Variants in PRKD3 observed in about 807,000 individuals in gnomAD.
PRKD3 encodes the protein protein kinase D3, also known as serine/threonine-protein kinase D3.
PRKD3 carries 47 observed loss-of-function variants against 99.2 expected under a neutral mutation model. The ratio of observed to expected loss-of-function variants is 0.47; its 90% CI spans 0.38 to 0.60. The LOEUF (loss-of-function observed/expected upper bound fraction) is 0.60. Among genes scored for constraint, PRKD3 ranks in the 20% least tolerant of loss-of-function variants. The probability of loss-of-function intolerance (pLI) is 0.00; values close to 1 mark genes in which losing one functional copy is unlikely to be tolerated. For missense variants in PRKD3, 1,019 were observed against 1,088.4 expected, an observed-to-expected ratio of 0.94 and a Z score of 0.90; for synonymous variants, 392 against 355.4, an observed-to-expected ratio of 1.10 and a Z score of -1.16.
chr2:37,324,500 C>T (rs1672031520), intron 1 of PRKD3, 181 bp downstream of exon 1: 2 of 141,642 alleles, frequency 1.4e-5, no homozygotes, highest in Middle Eastern at 7.2e-3. Flanking sequence ...ACCGCCCAGC[C>T]CGGCGCGGGG....
At chr2:37,279,688 A>T in intron 8 of PRKD3, 58 bp downstream of exon 8, 1 of 1,379,192 alleles carries the variant, frequency 7.3e-7, no homozygotes, top group Non-Finnish European at 9.6e-7. Flanking sequence ...CTTTTTCTTA[A>T]TGAGATCCTG....
In PRKD3 at chr2:37,315,581, C is replaced by T. The variant is rs142360218; in HGVS notation, c.288+656G>A. On this transcript the variant is annotated intron_variant, in intron 2 of 18. Transcript: ENST00000234179. ...GGGACTCAGCTGCTAGCTACTGTGTCCCAGGGGGCCTTGTGCCCTCTACCT... is the reference window on the plus strand; with the variant it reads ...GGGACTCAGCTGCTAGCTACTGTGTTCCAGGGGGCCTTGTGCCCTCTACCT... Among the ~76,000 whole-genome samples, 522 of 152,272 alleles carry T rather than the reference C, an allele frequency of 3.4e-3. 2 individuals are homozygous for T. The highest frequency in any genetic ancestry group is 4.4e-3 in the Non-Finnish European group (299 of 68,016).
chr2:37,296,726 T>C (rs1470656298), intron 2 of PRKD3, among the ~76,000 whole-genome samples: 1 of 151,732 alleles, frequency 6.6e-6, no homozygotes, highest in African/African-American at 2.4e-5. Context: ...TGAAACCCCA[T>C]CTCTACTAAA....
chr2:37,260,145 C>A (rs1668303008), intron 15 of PRKD3, 78 bp downstream of exon 15: 2 of 1,310,584 alleles, frequency 1.5e-6, no homozygotes, highest in Non-Finnish European at 2.1e-6. Context: ...GCCCAGGTGA[C>A]AGAGTAAGAC....
At chr2:37,271,894 A>G (rs2148532620) in intron 12 of PRKD3, among the ~76,000 whole-genome samples, 1 of 152,264 alleles carries the variant, frequency 6.6e-6, no homozygotes, top group South Asian at 2.1e-4. Flanking sequence ...AAAACCCTCA[A>G]CATACCTACA....
intron 2 of PRKD3, among the ~76,000 whole-genome samples, chr2:37,314,856 G>C (rs1558581950): frequency 6.6e-6 from 1 of 152,070 alleles, no homozygotes; most frequent in Non-Finnish European, 1.5e-5. Flanking sequence ...GAAACTAAAA[G>C]CAAAGCTACG....
chr2:37,263,341 C>G (rs1488453717), intron 14 of PRKD3, among the ~76,000 whole-genome samples: 1 of 152,120 alleles, frequency 6.6e-6, no homozygotes. Context: ...TGCTTTAATG[C>G]ATTGAGATCA....
chr2:37,280,180 G>A (rs1669786352), intron 7 of PRKD3, among the ~76,000 whole-genome samples: 1 of 151,664 alleles, frequency 6.6e-6, no homozygotes, highest in Non-Finnish European at 1.5e-5. Flanking sequence ...CAGTAGCTGG[G>A]ATTACAGGCG....
In PRKD3 at chr2:37,252,933, C is replaced by G. The variant is rs1378600073; in HGVS notation, c.*244G>C. On this transcript the variant is annotated 3_prime_UTR_variant, in exon 19 of 19. Transcript: ENST00000234179. ...TGAAGGATTAAGAAAAAATACAAAA[C>G]CAGTTATTGCTTAGGCTAAAAAAGT... is the stretch of plus-strand genomic sequence containing the variant. 3 of 290,244 alleles carry G rather than the reference C, an allele frequency of 1.0e-5. No individual in the cohort carries two copies. Among genetic ancestry groups the G allele is most frequent in the Non-Finnish European group, 1.9e-5 (3 of 160,044 alleles). The allele number at this position is 290,244 out of a possible 1,614,324, so 18.0% of individuals were successfully genotyped here.
At chr2:37,313,328 G>A (rs72864803) in intron 2 of PRKD3, among the ~76,000 whole-genome samples, 3,462 of 132,990 alleles carry the variant, frequency 0.026, 155 homozygotes, top group African/African-American at 0.091. Context: ...CTGCATTAGC[G>A]GAATTGATGA....
chr2:37,301,237 T>C (rs1670911739), intron 2 of PRKD3, among the ~76,000 whole-genome samples: 1 of 152,216 alleles, frequency 6.6e-6, no homozygotes, highest in African/African-American at 2.4e-5. Flanking sequence ...AAATACTTTA[T>C]ATTCCAAAGT....
intron 4 of PRKD3, 48 bp from the exon 5 acceptor site, chr2:37,289,561 C>T: frequency 6.8e-7 from 1 of 1,460,030 alleles, no homozygotes. Context: ...AAAAAATTTA[C>T]TATTTAAGTG....
chr2:37,302,150 T>A (rs1356704407), intron 2 of PRKD3, among the ~76,000 whole-genome samples: 1 of 152,182 alleles, frequency 6.6e-6, no homozygotes, highest in Non-Finnish European at 1.5e-5. Flanking sequence ...CATCCTTGAT[T>A]AAAAGAAAGA....
At chr2:37,286,132 C>A (rs779096898) in intron 6 of PRKD3, 45 bp downstream of exon 6, 5 of 1,453,150 alleles carry the variant, frequency 3.4e-6, no homozygotes, top group South Asian at 2.7e-5. Flanking sequence ...TATATAATAA[C>A]AAAAACAGAC....
At chr2:37,310,342 G>A (rs2300880) in intron 2 of PRKD3, among the ~76,000 whole-genome samples, 97,593 of 151,948 alleles carry the variant, frequency 0.64, 32,054 homozygotes, top group East Asian at 0.98. Flanking sequence ...GCTAAGTATT[G>A]GGCTAAGCAT....
rs1667981118 is a variant in PRKD3 at position 37,256,681 on chromosome 2, C to G, written c.2394G>C (p.Trp798Cys). ...NAAFMYPPNP[W>C]REISGEAIDL... ...TTTTACCTTCACCAGAAATTTCTCT[C>G]CATGGATTTGGTGGGTACATAAATG... The change falls in exon 17 of 19, where the codon TGG becomes TGC. Residue 798 changes from tryptophan (W) to cysteine (C), a missense_variant. Around this residue, in one of 3 missense-constraint regions of PRKD3, gnomAD observed 125 missense variants for 120.6 expected, o/e 1.04. Coordinates refer to ENST00000234179, the MANE Select transcript of PRKD3 (RefSeq NM_005813.6). 8.6e-7 allele frequency: 1 copy of G among 1,159,654 alleles called. No homozygotes were observed. Among genetic ancestry groups the G allele is most frequent in the South Asian group, 1.5e-5 (1 of 68,448 alleles). The allele number at this position is 1,159,654 out of a possible 1,614,324, so 71.8% of individuals were successfully genotyped here. A position where few individuals can be genotyped will look rare whatever the true frequency, so the allele number is the denominator to read the frequency against.
Position 37,257,666 on chromosome 2 carries a change from C to CAAA in PRKD3, c.2146-740_2146-738dup, listed in dbSNP as rs1491483662. 5.6e-3 allele frequency among the ~76,000 whole-genome samples: 348 copies of CAAA among 62,386 alleles called. 18 individuals carry two copies. The highest frequency in any genetic ancestry group is 0.038 in the East Asian group (47 of 1,244). The allele number at this position is 62,386 out of a possible 152,430, so 40.9% of individuals were successfully genotyped here. A position where few individuals can be genotyped will look rare whatever the true frequency, so the allele number is the denominator to read the frequency against. On this transcript the variant is annotated intron_variant, in intron 16 of 18. Coordinates refer to ENST00000234179, the MANE Select transcript of PRKD3 (RefSeq NM_005813.6). ...GGGCGACAGAGTGAAGACTCTGTCT[C>CAAA]AAAAGAAAAAAAAAAAAAAAAAAAA... is the stretch of plus-strand genomic sequence containing the variant.
In PRKD3 at chr2:37,289,378, T is replaced by C; in HGVS notation, c.695A>G (p.Tyr232Cys). Residue 232 changes from tyrosine (Y) to cysteine (C), a missense_variant, in exon 5 of 19, where the codon TAT (tyrosine) becomes TGT (cysteine). Transcript: ENST00000234179. ...LSVPRPLQPE[Y>C]VALPSEESHV... ...TACCTCTTCACTGGGAAGGGCTACA[T>C]ATTCAGGCTGTAGGGGTCTTGGAAC... 7 of 1,614,112 alleles carry C rather than the reference T, an allele frequency of 4.3e-6. No homozygotes were observed. Among genetic ancestry groups the C allele is most frequent in the Non-Finnish European group, 5.9e-6 (7 of 1,180,002 alleles).
In PRKD3 at chr2:37,286,198, G is replaced by C. The variant is rs984132505; in HGVS notation, c.889C>G (p.Arg297Gly). 2 of 1,612,672 alleles carry C rather than the reference G, an allele frequency of 1.2e-6. No individual in the cohort carries two copies. The highest frequency in any genetic ancestry group is 3.3e-5 in the Admixed American group (2 of 59,934). ...CTACCTTTACACTGCATTCCTTGGC[G>C]AAAGAGGCCTTTCAGTAACCGCTTG... ...YCKRLLKGLF[R>G]QGMQCKDCKF... The change falls in exon 6 of 19, where the codon CGC becomes GGC. Residue 297 changes from arginine to glycine, a missense_variant. Physicochemically the swap from Arg to Gly is moderately radical, Grantham distance 125. Transcript: ENST00000234179.
Sources: gnomAD v4.1 joint callset for allele counts (sites outside exome capture counted in the v4.1 genomes callset) on GRCh38, gnomAD v4.1.1 for gene constraint, gnomAD v4.1.1 regional missense constraint, MANE v1.5 for transcripts, NCBI Gene and HGNC (gene_info 2026-07-23, HGNC 2026-07-21) for gene names.